Variants in ST7 observed in about 807,000 individuals in gnomAD.
ST7 encodes the protein suppressor of tumorigenicity 7 protein.
A neutral mutation model predicts 78.7 loss-of-function variants in ST7; 28 were observed. The ratio of observed to expected loss-of-function variants is 0.36; its 90% CI spans 0.26 to 0.49. The LOEUF (loss-of-function observed/expected upper bound fraction) is 0.49, where lower values mean the gene tolerates loss of function less well. ST7 is among the 20% of genes least tolerant of loss of function. ST7 has a pLI of 0.99. For synonymous variants in ST7, 247 were observed against 249.6 expected (o/e 0.99, Z 0.10); for missense variants, 418 against 696.0 (o/e 0.60, Z 4.49).
chr7:117,056,505 C>T (rs1321290001), intron 1 of ST7, among the ~76,000 whole-genome samples: 1 of 151,990 alleles, frequency 6.6e-6, no homozygotes, highest in African/African-American at 2.4e-5. Context: ...TGTGGTGGCA[C>T]ATGCCTGTAA....
chr7:117,083,459 T>A (rs920658473), intron 1 of ST7, among the ~76,000 whole-genome samples: 2 of 152,094 alleles, frequency 1.3e-5, no homozygotes, highest in Non-Finnish European at 1.5e-5. Flanking sequence ...GGTTTCACCA[T>A]GTTGGCCAGG....
chr7:117,072,774 A>T (rs545034255), intron 1 of ST7: 217 of 152,328 alleles, frequency 1.4e-3, no homozygotes, highest in Non-Finnish European at 2.5e-3. Context: ...GGCCAGGCAG[A>T]GCTAATTCCT....
chr7:117,207,095 C>T (rs1791829186), intron 12 of ST7, among the ~76,000 whole-genome samples: 1 of 151,978 alleles, frequency 6.6e-6, no homozygotes, highest in East Asian at 1.9e-4. Context: ...ATTTTCTGAA[C>T]TCTTCCCCTC....
intron 9 of ST7, among the ~76,000 whole-genome samples, chr7:117,143,431 G>A (rs1018205223): frequency 2.6e-5 from 4 of 152,070 alleles, no homozygotes; most frequent in Non-Finnish European, 4.4e-5. Flanking sequence ...TCTCTTTGCG[G>A]GATTTTCCTC....
intron 1 of ST7, among the ~76,000 whole-genome samples, chr7:117,084,525 A>G (rs1005271240): frequency 6.6e-6 from 1 of 152,158 alleles, no homozygotes; most frequent in Non-Finnish European, 1.5e-5. Flanking sequence ...CACCAGTTGT[A>G]CCTGAATTCA....
chr7:117,222,810 A>G (rs913617843), intron 15 of ST7: 10 of 1,396,196 alleles, frequency 7.2e-6, no homozygotes, highest in Non-Finnish European at 1.0e-5. Context: ...GGCGAGTGCA[A>G]TCAGAAAGGA....
At chr7:117,005,891 C>T (rs1273211221) in intron 1 of ST7, among the ~76,000 whole-genome samples, 1 of 152,028 alleles carries the variant, frequency 6.6e-6, no homozygotes, top group Non-Finnish European at 1.5e-5. Flanking sequence ...TAAATAAATA[C>T]GTAGATCATA....
At chr7:117,215,285 C>G (rs1270286014) in intron 13 of ST7, among the ~76,000 whole-genome samples, 4 of 152,098 alleles carry the variant, frequency 2.6e-5, no homozygotes, top group Non-Finnish European at 5.9e-5. Context: ...GGCTGGTTAG[C>G]TACATTGAAC....
intron 5 of ST7, 37 bp downstream of exon 5, chr7:117,130,643 CT>C: frequency 6.6e-6 from 10 of 1,519,690 alleles, no homozygotes; most frequent in South Asian, 2.3e-5. Context: ...AATGGGAGGG[CT>C]TTTTGGCTTA....
At chr7:117,085,786 G>A (rs1200418807) in intron 1 of ST7, among the ~76,000 whole-genome samples, 1 of 152,014 alleles carries the variant, frequency 6.6e-6, no homozygotes, top group Non-Finnish European at 1.5e-5. Context: ...ATGAAACTCA[G>A]AAAGGAAATT....
At chr7:117,160,456 G>A (rs974388604) in intron 9 of ST7, among the ~76,000 whole-genome samples, 19 of 151,610 alleles carry the variant, frequency 1.3e-4, no homozygotes, top group Non-Finnish European at 2.8e-4. Context: ...ACTTTCCCTG[G>A]GTATCAACCC....
chr7:117,170,999 T>C, intron 10 of ST7, 23 bp downstream of exon 10: 1 of 1,468,260 alleles, frequency 6.8e-7, no homozygotes, highest in Non-Finnish European at 9.4e-7. Context: ...GTATTTTTAT[T>C]TACTTGACTA....
At chr7:117,109,698 A>G (rs1415855999) in intron 2 of ST7, among the ~76,000 whole-genome samples, 5 of 152,248 alleles carry the variant, frequency 3.3e-5, no homozygotes, top group Non-Finnish European at 7.3e-5. Context: ...CTGTGAAGCC[A>G]GTATCACCCT....
At chr7:117,094,638 C>T (rs1031713493) in intron 1 of ST7, among the ~76,000 whole-genome samples, 3 of 152,144 alleles carry the variant, frequency 2.0e-5, no homozygotes, top group Non-Finnish European at 4.4e-5. Flanking sequence ...TCATCTCAGC[C>T]TCAGAGCAGT....
chr7:117,105,791 T>G (rs1339118384), intron 2 of ST7, among the ~76,000 whole-genome samples: 1 of 152,178 alleles, frequency 6.6e-6, no homozygotes. Flanking sequence ...CTTTACATAT[T>G]ACATGAAGGT....
intron 9 of ST7, among the ~76,000 whole-genome samples, chr7:117,161,389 AAATT>A (rs1807129183): frequency 6.6e-6 from 1 of 152,006 alleles, no homozygotes. Context: ...ACATAGTAAC[AAATT>A]AATTAGTTAA....
At chr7:117,124,878 G>A (rs930858999) in intron 3 of ST7, among the ~76,000 whole-genome samples, 5 of 152,176 alleles carry the variant, frequency 3.3e-5, no homozygotes, top group African/African-American at 1.2e-4. Flanking sequence ...CGACTGTGGA[G>A]AATGGCAGTC....
intron 1 of ST7, among the ~76,000 whole-genome samples, chr7:116,979,318 C>G (rs919857330): frequency 6.6e-6 from 1 of 152,204 alleles, no homozygotes; most frequent in Non-Finnish European, 1.5e-5. Flanking sequence ...TTCACTGTCT[C>G]TTTTCCTAAC....
At chr7:117,077,149 T>C (rs1465503611) in intron 1 of ST7, among the ~76,000 whole-genome samples, 1 of 152,230 alleles carries the variant, frequency 6.6e-6, no homozygotes, top group Non-Finnish European at 1.5e-5. Flanking sequence ...TTCTCTGCGA[T>C]GTCCAGCTGT....
Sources: allele counts gnomAD v4.1 joint callset (sites outside exome capture counted in the v4.1 genomes callset), GRCh38; gene constraint gnomAD v4.1.1; transcripts MANE v1.5; gene names NCBI Gene and HGNC (gene_info 2026-07-23, HGNC 2026-07-21).